Variants in PCDHGB2 observed in about 807,000 individuals in gnomAD.
PCDHGB2 encodes protocadherin gamma-B2.
Under a neutral mutation model 59.3 loss-of-function variants are expected in PCDHGB2, and 55 were observed. The ratio of observed to expected loss-of-function variants is 0.93; its 90% confidence interval spans 0.75 to 1.16. The LOEUF (loss-of-function observed/expected upper bound fraction) is 1.16. Ranked by LOEUF, PCDHGB2 falls within the 50% of genes most tolerant of loss-of-function variation. The probability of loss-of-function intolerance (pLI) is 0.00; values close to 1 mark genes in which losing one functional copy is unlikely to be tolerated. For synonymous variants in PCDHGB2, 516 were observed against 512.0 expected (o/e 1.01, Z -0.11); for missense variants, 1,228 against 1,198.5 (o/e 1.02, Z -0.36).
At chr5:141,375,144 G>A (rs747224962) in intron 1 of PCDHGB2, 3 of 1,613,936 alleles carry the variant, frequency 1.9e-6, no homozygotes, top group Non-Finnish European at 2.5e-6. Flanking sequence ...TCTGGAAGCA[G>A]AACAATTGCT....
chr5:141,501,618 T>G (rs1307485559), intron 2 of PCDHGB2, among the ~76,000 whole-genome samples: 2 of 152,068 alleles, frequency 1.3e-5, no homozygotes, highest in African/African-American at 4.8e-5. Flanking sequence ...GTGACTCTGG[T>G]ATAGTCTCTC....
At chr5:141,411,319 C>T (rs532552346) in intron 1 of PCDHGB2, 1 of 152,262 alleles carries the variant, frequency 6.6e-6, no homozygotes, top group South Asian at 2.1e-4. Flanking sequence ...CCTATAATCA[C>T]AGCACTTTGA....
intron 1 of PCDHGB2, chr5:141,412,158 G>A (rs188069449): frequency 1.3e-5 from 2 of 152,324 alleles, no homozygotes; most frequent in East Asian, 3.9e-4. Context: ...CCTAAGAGAA[G>A]AGATTATTTA....
intron 1 of PCDHGB2, chr5:141,404,633 G>C: frequency 6.2e-7 from 1 of 1,614,170 alleles, no homozygotes; most frequent in Non-Finnish European, 8.5e-7. Flanking sequence ...CAATGCCCCA[G>C]AAATCCTGTA....
At chr5:141,498,796 G>A (rs1160540093) in intron 2 of PCDHGB2, among the ~76,000 whole-genome samples, 1 of 152,032 alleles carries the variant, frequency 6.6e-6, no homozygotes, top group Non-Finnish European at 1.5e-5. Context: ...AGCCAGGTGT[G>A]GTGGTGCACA....
intron 3 of PCDHGB2, among the ~76,000 whole-genome samples, chr5:141,508,742 C>A (rs955179947): frequency 2.0e-5 from 3 of 151,998 alleles, no homozygotes; most frequent in Admixed American, 6.6e-5. Context: ...CCCCCCACCC[C>A]GCTCTTTCTC....
chr5:141,394,100 A>G (rs370480326), intron 1 of PCDHGB2: 2 of 1,613,942 alleles, frequency 1.2e-6, no homozygotes, highest in Non-Finnish European at 1.7e-6. Context: ...ATCTAGGAAC[A>G]CCACCTCTGT....
At chr5:141,463,108 T>G (rs1212278355) in intron 1 of PCDHGB2, among the ~76,000 whole-genome samples, 1 of 152,202 alleles carries the variant, frequency 6.6e-6, no homozygotes, top group Non-Finnish European at 1.5e-5. Flanking sequence ...CATCAAGAAT[T>G]CAGCTAATAG....
At chr5:141,433,765 A>G (rs1389737053) in intron 1 of PCDHGB2, among the ~76,000 whole-genome samples, 1 of 148,692 alleles carries the variant, frequency 6.7e-6, no homozygotes, top group Non-Finnish European at 1.5e-5. Flanking sequence ...TTAACCTGGG[A>G]GGTGGAGGTT....
At chr5:141,417,866 G>C (rs1299960512) in intron 1 of PCDHGB2, 1 of 1,552,408 alleles carries the variant, frequency 6.4e-7, no homozygotes, top group African/African-American at 1.4e-5. Context: ...AACGATGGGA[G>C]GGAGCTGCGC....
At chr5:141,422,812 T>A in intron 1 of PCDHGB2, 1 of 1,614,206 alleles carries the variant, frequency 6.2e-7, no homozygotes, top group Non-Finnish European at 8.5e-7. Context: ...GTTTCGAGAC[T>A]TAGAACTGAG....
At chr5:141,365,213 G>A in intron 1 of PCDHGB2, 1 of 1,613,930 alleles carries the variant, frequency 6.2e-7, no homozygotes, top group Non-Finnish European at 8.5e-7. Flanking sequence ...TTTCCAACTT[G>A]ATTCCAACCT....
intron 1 of PCDHGB2, chr5:141,371,386 G>GT: frequency 6.2e-7 from 1 of 1,614,006 alleles, no homozygotes; most frequent in Non-Finnish European, 8.5e-7. Context: ...ACTGCATATT[G>GT]TAAAGTACAG....
chr5:141,388,521 A>T (rs978300482), intron 1 of PCDHGB2: 2 of 1,613,722 alleles, frequency 1.2e-6, no homozygotes, highest in African/African-American at 2.7e-5. Context: ...CTTGACTTTG[A>T]CTGCCTTGGA....
chr5:141,448,788 A>C (rs865953914), intron 1 of PCDHGB2, among the ~76,000 whole-genome samples: 3 of 151,964 alleles, frequency 2.0e-5, no homozygotes, highest in South Asian at 2.1e-4. Flanking sequence ...AAAATACAAA[A>C]AAAAAAATTA....
intron 1 of PCDHGB2, among the ~76,000 whole-genome samples, chr5:141,474,770 G>A (rs1221980722): frequency 6.6e-6 from 1 of 152,204 alleles, no homozygotes; most frequent in African/African-American, 2.4e-5. Context: ...GAAATAGTAT[G>A]AGGCTCTAAC....
intron 1 of PCDHGB2, chr5:141,370,123 T>C (rs776466728): frequency 5.1e-6 from 2 of 388,722 alleles, no homozygotes; most frequent in Non-Finnish European, 9.1e-6. Flanking sequence ...TAGCTCCTTA[T>C]TTGGAGCTGA....
At chr5:141,398,486 A>G (rs892086829) in intron 1 of PCDHGB2, 17 of 1,608,942 alleles carry the variant, frequency 1.1e-5, no homozygotes, top group Non-Finnish European at 1.4e-5. Flanking sequence ...TATCACGTGA[A>G]TGTGGAGATC....
chr5:141,421,617 C>T, intron 1 of PCDHGB2: 3 of 1,613,768 alleles, frequency 1.9e-6, no homozygotes, highest in African/African-American at 1.3e-5. Context: ...TTAATGATAA[C>T]GCCCCCAGCT....
Sources: allele counts gnomAD v4.1 joint callset (sites outside exome capture counted in the v4.1 genomes callset), GRCh38; gene constraint gnomAD v4.1.1; transcripts MANE v1.5; gene names NCBI Gene and HGNC (gene_info 2026-07-23, HGNC 2026-07-21).